The following MDN1 variants were observed in gnomAD, a reference collection of about 807,000 sequenced individuals.
MDN1 encodes midasin.
A neutral mutation model predicts 669.2 loss-of-function variants in MDN1; 266 were observed. That is an observed-to-expected ratio of 0.40 (90% CI 0.36 to 0.44). The LOEUF (loss-of-function observed/expected upper bound fraction) is 0.44. MDN1 is among the 20% of genes least tolerant of loss of function. MDN1 has a pLI of 1.00. For missense variants in MDN1, 5,940 were observed against 6,754.0 expected (o/e 0.88, Z 4.22); for synonymous variants, 2,385 against 2,457.1 (o/e 0.97, Z 0.87).
At chr6:89,766,582 A>G (rs1243516457) in intron 15 of MDN1, among the ~76,000 whole-genome samples, 1 of 152,210 alleles carries the variant, frequency 6.6e-6, no homozygotes. Flanking sequence ...TTAAATGCCA[A>G]GAAGGTCCAT....
intron 83 of MDN1, among the ~76,000 whole-genome samples, chr6:89,670,170 ATT>A (rs766450069): frequency 3.0e-3 from 70 of 23,390 alleles, no homozygotes; most frequent in Admixed American, 2.9e-3. Flanking sequence ...ATATATATAT[ATT>A]TTTTTTTTTT....
chr6:89,740,985 A>G (rs1816266566), intron 31 of MDN1, among the ~76,000 whole-genome samples: 1 of 152,226 alleles, frequency 6.6e-6, no homozygotes, highest in Non-Finnish European at 1.5e-5. Context: ...TAATCCCAGC[A>G]CTTTGGAAGG....
intron 34 of MDN1, among the ~76,000 whole-genome samples, chr6:89,732,025 T>C (rs1465922512): frequency 1.3e-5 from 2 of 151,974 alleles, no homozygotes; most frequent in African/African-American, 4.8e-5. Flanking sequence ...CAAAATGAGT[T>C]TAAATTATAC....
At chr6:89,668,186 C>A (rs762019656) in intron 83 of MDN1, 35 bp from the exon 84 acceptor site, 5 of 1,608,514 alleles carry the variant, frequency 3.1e-6, no homozygotes, top group Non-Finnish European at 4.2e-6. Flanking sequence ...AACAATTAGG[C>A]ACAAAAGCAA....
chr6:89,804,082 T>A (rs926764472), intron 1 of MDN1, among the ~76,000 whole-genome samples: 5 of 150,876 alleles, frequency 3.3e-5, no homozygotes, highest in Non-Finnish European at 7.4e-5. Context: ...TTTGATTTGT[T>A]TTGTTTTAGT....
rs374832273 is a variant in MDN1, at chr6:89,743,190, T to C, written c.4408A>G (p.Ile1470Val). ...KEDGFFLLDE[I>V]SLADDSVLER... ...AAGACAGAGTCATCGGCCAATGAGA[T>C]CTCATCCAAGAGGAAAAAGCCGTCC... The change falls in exon 31 of 102, where the codon ATC (isoleucine) becomes GTC (valine). Residue 1470 changes from isoleucine (I) to valine (V), a missense_variant. Ile to Val is a conservative substitution (Grantham distance 29, BLOSUM62 3). Around this residue, in one of 5 missense-constraint regions of MDN1, gnomAD observed 2,292 missense variants for 2,638.3 expected, o/e 0.87. Transcript: ENST00000369393. 24 of 1,613,844 alleles carry C rather than the reference T, an allele frequency of 1.5e-5. No individual in the cohort carries two copies. Among genetic ancestry groups the C allele is most frequent in the Non-Finnish European group, 2.0e-5 (24 of 1,180,008 alleles).
chr6:89,795,865 G>C (rs1273293975), intron 2 of MDN1, among the ~76,000 whole-genome samples: 1 of 152,100 alleles, frequency 6.6e-6, no homozygotes, highest in African/African-American at 2.4e-5. Context: ...CGAGGCGGGA[G>C]AATCGCTTGA....
intron 1 of MDN1, among the ~76,000 whole-genome samples, chr6:89,803,915 TTTTG>T (rs1422267091): frequency 1.4e-4 from 13 of 94,482 alleles, no homozygotes; most frequent in African/African-American, 6.0e-4. Context: ...TTTTTTTTTT[TTTTG>T]GAGACAGAGT....
At chr6:89,743,542 T>G in intron 30 of MDN1, 34 bp downstream of exon 30, 1 of 1,602,108 alleles carries the variant, frequency 6.2e-7, no homozygotes, top group South Asian at 1.1e-5. Context: ...CTGCAGTTTT[T>G]TAAAATAACA....
At chr6:89,649,421 A>G (rs1241985412) in intron 97 of MDN1, among the ~76,000 whole-genome samples, 2 of 152,248 alleles carry the variant, frequency 1.3e-5, no homozygotes, top group African/African-American at 4.8e-5. Flanking sequence ...TTTTTCCAGC[A>G]GAACATACAA....
At chr6:89,698,731 T>A in intron 59 of MDN1, 134 bp downstream of exon 59, 1 of 815,690 alleles carries the variant, frequency 1.2e-6, no homozygotes, top group Non-Finnish European at 2.0e-6. Flanking sequence ...TTATTTAACA[T>A]TCTGCAGAAA....
chr6:89,692,581 C>A lies in MDN1; in HGVS notation c.10449G>T (p.Glu3483Asp). Residue 3483 changes from glutamate (E) to aspartate (D), a missense_variant, in exon 63 of 102, where the codon GAG (glutamate) becomes GAT (aspartate). Physicochemically the swap from Glu to Asp is conservative, Grantham distance 45. Transcript: ENST00000369393. ...KLILKRSGGK[E>D]LEGKGQKACP... Reference sequence around the variant, plus strand: ...AGGCTTTCTGGCCCTTGCCTTCCAGCTCCTTTCCTCCTGAGCGCTTGAGGA... The same window carrying A: ...AGGCTTTCTGGCCCTTGCCTTCCAGATCCTTTCCTCCTGAGCGCTTGAGGA... 1 of 1,614,262 alleles carries A rather than the reference C, an allele frequency of 6.2e-7. No homozygotes were observed. The highest frequency in any genetic ancestry group is 8.5e-7 in the Non-Finnish European group (1 of 1,180,050).
Position 89,714,544 on chromosome 6 carries a change from T to A in MDN1, c.7068A>T (p.Val2356=). 1.2e-6 allele frequency: 2 copies of A among 1,600,032 alleles called. No individual in the cohort carries two copies. Among genetic ancestry groups the A allele is most frequent in the Non-Finnish European group, 1.7e-6 (2 of 1,172,968 alleles). ...AGGCCCAAAAGTCAAGCACCTCACC[T>A]ACAACAGTGCTCCGGGTCTCTGTGT... The part of the protein sequence containing the change: ...ALHTETRSTV[V]GSPTSSVSTL... The change falls in exon 46 of 102, where the codon GTA becomes GTT. Residue 2356 remains valine (V), a splice_region_variant and synonymous_variant. Transcript: ENST00000369393.
intron 97 of MDN1, among the ~76,000 whole-genome samples, chr6:89,649,602 C>T (rs1808713757): frequency 6.6e-6 from 1 of 152,124 alleles, no homozygotes; most frequent in Admixed American, 6.5e-5. Context: ...GAAATGTATC[C>T]TAGATACCTA....
At chr6:89,796,357 A>C (rs1198588313) in intron 2 of MDN1, among the ~76,000 whole-genome samples, 9 of 150,938 alleles carry the variant, frequency 6.0e-5, no homozygotes, top group African/African-American at 2.2e-4. Flanking sequence ...AAAACAAAAA[A>C]AAAAACCAAA....
chr6:89,666,367 G>T (rs966235909), intron 84 of MDN1, among the ~76,000 whole-genome samples: 21 of 152,208 alleles, frequency 1.4e-4, no homozygotes, highest in African/African-American at 5.1e-4. Context: ...CCAGGTTCAG[G>T]TGATTCTCCT....
rs745705895 is a variant in MDN1, at chr6:89,683,180, C to A, written c.12054G>T (p.Leu4018=). The stretch of plus-strand genomic sequence containing the variant: ...ACAGGGTCTCCCTCAGTGCCCTGTT[C>A]AGATTCTGAATGGAAGACAGTTCAC... ...AASELSSIQN[L]NRALRETLLA... is the part of the protein sequence containing the mutation. Residue 4018 remains leucine, a synonymous_variant, in exon 73 of 102, where the codon CTG becomes CTT. Transcript: ENST00000369393. 8.1e-6 allele frequency: 13 copies of A among 1,614,124 alleles called. No homozygotes were observed. Among genetic ancestry groups the A allele is most frequent in the Non-Finnish European group, 1.0e-5 (12 of 1,180,034 alleles).
In MDN1 at chr6:89,661,932, C is replaced by G. The variant is rs1296864637; in HGVS notation, c.14565+155G>C. ...GAACCAACAGTTATATATTTTATGT[C>G]CTGTTAAGAGCCTCTGTTGCATATT... On this transcript the variant is annotated intron_variant, in intron 87 of 101. Coordinates refer to ENST00000369393, the MANE Select transcript of MDN1 (RefSeq NM_014611.3). Among the ~76,000 whole-genome samples, 3 of 152,154 alleles carry G rather than the reference C, an allele frequency of 2.0e-5. No homozygotes were observed. In the East Asian group the frequency reaches 5.8e-4, roughly 29 times the overall value.
At chr6:89,671,104 G>C (rs150002766) in intron 82 of MDN1, 24 bp from the exon 83 acceptor site, 7 of 1,608,432 alleles carry the variant, frequency 4.4e-6, no homozygotes, top group Non-Finnish European at 5.9e-6. Flanking sequence ...AAAACAAAAG[G>C]CCTGCTCACA....
Sources: gnomAD v4.1 joint callset for allele counts (sites outside exome capture counted in the v4.1 genomes callset) on GRCh38, gnomAD v4.1.1 for gene constraint, gnomAD v4.1.1 regional missense constraint, MANE v1.5 for transcripts, NCBI Gene and HGNC (gene_info 2026-07-23, HGNC 2026-07-21) for gene names.